COG5: variants seen among roughly 807,000 people sequenced by gnomAD.
COG5 encodes component of oligomeric golgi complex 5, also known as conserved oligomeric Golgi complex subunit 5.
Under a neutral mutation model 110.4 loss-of-function variants are expected in COG5, and 86 were observed. The ratio of observed to expected loss-of-function variants is 0.78; its 90% confidence interval spans 0.65 to 0.93. The LOEUF (loss-of-function observed/expected upper bound fraction) is 0.93, where lower values mean the gene tolerates loss of function less well. COG5 is among the 40% of genes least tolerant of loss of function. The pLI, the probability that COG5 is intolerant of heterozygous loss-of-function variation, is 0.00. For missense variants in COG5, 1,077 were observed against 987.0 expected (o/e 1.09, Z -1.22); for synonymous variants, 360 against 334.6 (o/e 1.08, Z -0.83).
chr7:107,366,151 T>C (rs1246446800), intron 8 of COG5, among the ~76,000 whole-genome samples: 6 of 151,938 alleles, frequency 3.9e-5, no homozygotes, highest in Non-Finnish European at 8.8e-5. Flanking sequence ...ACTGGAAAAA[T>C]ATTATAGAAA....
intron 6 of COG5, among the ~76,000 whole-genome samples, chr7:107,445,690 TA>T (rs1030341580): frequency 1.3e-5 from 2 of 152,164 alleles, no homozygotes; most frequent in African/African-American, 4.8e-5. Flanking sequence ...TAAAATTAAA[TA>T]AAAAATATTG....
intron 14 of COG5, among the ~76,000 whole-genome samples, chr7:107,266,646 A>G (rs953131267): frequency 6.6e-6 from 1 of 152,092 alleles, no homozygotes; most frequent in African/African-American, 2.4e-5. Flanking sequence ...AGTTATTCCT[A>G]GGGTGTAAAC....
intron 14 of COG5, among the ~76,000 whole-genome samples, chr7:107,265,285 T>A (rs1803708129): frequency 6.6e-6 from 1 of 152,172 alleles, no homozygotes; most frequent in African/African-American, 2.4e-5. Flanking sequence ...AATTAATTTT[T>A]ATTTTATTTT....
At chr7:107,257,497 A>C (rs2116618306) in intron 15 of COG5, among the ~76,000 whole-genome samples, 1 of 152,242 alleles carries the variant, frequency 6.6e-6, no homozygotes, top group African/African-American at 2.4e-5. Context: ...TCTAAAACAC[A>C]ATCTAGTATA....
At chr7:107,509,187 C>T (rs986660690) in intron 6 of COG5, among the ~76,000 whole-genome samples, 14 of 152,036 alleles carry the variant, frequency 9.2e-5, no homozygotes, top group African/African-American at 3.1e-4. Context: ...ATAACCAATG[C>T]AGAGAAGTCC....
At chr7:107,552,722 A>G (rs897225421) in intron 3 of COG5, among the ~76,000 whole-genome samples, 2 of 152,206 alleles carry the variant, frequency 1.3e-5, no homozygotes, top group African/African-American at 4.8e-5. Flanking sequence ...GATTTCTCAA[A>G]TAACTCAGAA....
At chr7:107,388,395 T>A (rs1003966515) in intron 7 of COG5, among the ~76,000 whole-genome samples, 4 of 152,318 alleles carry the variant, frequency 2.6e-5, no homozygotes, top group African/African-American at 9.6e-5. Flanking sequence ...TTAAAACTGA[T>A]AATGGTCCAG....
At chr7:107,303,846 A>C (rs1807486133) in intron 11 of COG5, among the ~76,000 whole-genome samples, 2 of 152,208 alleles carry the variant, frequency 1.3e-5, no homozygotes, top group Admixed American at 1.3e-4. Context: ...CCTACTGTAC[A>C]TTCTGATAAT....
chr7:107,344,376 C>T (rs1401006373), intron 10 of COG5, among the ~76,000 whole-genome samples: 2 of 152,196 alleles, frequency 1.3e-5, no homozygotes, highest in African/African-American at 4.8e-5. Context: ...AAATGTGCAG[C>T]TTCGTCACCT....
chr7:107,283,755 AAACT>A, intron 12 of COG5, 23 bp from the exon 13 acceptor site: 3 of 1,588,382 alleles, frequency 1.9e-6, no homozygotes, highest in Non-Finnish European at 2.6e-6. Context: ...AATTTTTTAA[AAACT>A]AACTTAAATT....
At chr7:107,277,592 T>G (rs979350794) in intron 14 of COG5, among the ~76,000 whole-genome samples, 1 of 152,234 alleles carries the variant, frequency 6.6e-6, no homozygotes, top group Non-Finnish European at 1.5e-5. Context: ...GTTCTCAGCT[T>G]CAATTTCTAC....
intron 6 of COG5, among the ~76,000 whole-genome samples, chr7:107,442,428 C>T (rs1180399396): frequency 2.0e-5 from 3 of 151,746 alleles, no homozygotes; most frequent in Non-Finnish European, 4.4e-5. Context: ...ATACATCTGG[C>T]CTTGACAAAA....
rs539142073 is a variant in COG5 at position 107,211,615 on chromosome 7, A to C, written c.2169-390T>G. Among the ~76,000 whole-genome samples, 16 of 152,374 alleles carry C rather than the reference A, an allele frequency of 1.1e-4. No individual in the cohort carries two copies. The South Asian group carries it at 3.3e-3, about 32-fold the overall frequency. ...ATCAATCCTTTCAGCTTTTATTTAA[A>C]ATAGAATCCTTCTTTGGACCATAAT... On this transcript the variant is annotated intron_variant, in intron 19 of 21. Coordinates refer to ENST00000297135, the MANE Select transcript of COG5 (RefSeq NM_006348.5).
intron 10 of COG5, among the ~76,000 whole-genome samples, chr7:107,337,947 G>A (rs1307475179): frequency 6.6e-6 from 1 of 151,916 alleles, no homozygotes; most frequent in African/African-American, 2.4e-5. Flanking sequence ...TTTAAAAACA[G>A]GATCAAAACC....
Position 107,538,434 on chromosome 7 carries a change from CT to C in COG5, c.417+9676del, listed in dbSNP as rs1801742391. ...GCAGCAACCCAGTTCTCCAGGACCC[CT>C]CTCTGCAGCAGAGAGAGCTCTTCTC... On this transcript the variant is annotated intron_variant, in intron 5 of 21. Coordinates refer to ENST00000297135, the MANE Select transcript of COG5 (RefSeq NM_006348.5). 2.0e-5 allele frequency among the ~76,000 whole-genome samples: 3 copies of C among 152,258 alleles called. No individual in the cohort carries two copies. The South Asian group carries it at 6.2e-4, about 32-fold the overall frequency.
At chr7:107,411,025 G>A (rs115364188) in intron 7 of COG5, among the ~76,000 whole-genome samples, 4 of 152,314 alleles carry the variant, frequency 2.6e-5, no homozygotes, top group African/African-American at 9.6e-5. Flanking sequence ...CATCCAGGAT[G>A]TGGGATTTAG....
At chr7:107,401,400 G>A (rs1479644498) in intron 7 of COG5, among the ~76,000 whole-genome samples, 3 of 152,008 alleles carry the variant, frequency 2.0e-5, no homozygotes, top group East Asian at 3.8e-4. Context: ...TTGCCGAAGA[G>A]TAACTTTTAA....
intron 6 of COG5, among the ~76,000 whole-genome samples, chr7:107,418,039 T>C (rs186802370): frequency 6.6e-6 from 1 of 152,270 alleles, no homozygotes; most frequent in East Asian, 1.9e-4. Flanking sequence ...TGATTCTTCA[T>C]CACATCCCTG....
At chr7:107,310,421 C>T (rs1309176946) in intron 11 of COG5, among the ~76,000 whole-genome samples, 1 of 152,114 alleles carries the variant, frequency 6.6e-6, no homozygotes, top group Non-Finnish European at 1.5e-5. Context: ...TAAAATACAT[C>T]AGTATTATTC....
Sources: gnomAD v4.1 joint callset for allele counts (sites outside exome capture counted in the v4.1 genomes callset) on GRCh38, gnomAD v4.1.1 for gene constraint, MANE v1.5 for transcripts, NCBI Gene and HGNC (gene_info 2026-07-23, HGNC 2026-07-21) for gene names.